The following CHP1 variants were observed in gnomAD, a reference collection of about 807,000 sequenced individuals.
CHP1 encodes the protein calcineurin like EF-hand protein 1.
Under a neutral mutation model 27.4 loss-of-function variants are expected in CHP1, and 11 were observed. The ratio of observed to expected loss-of-function variants is 0.40; its 90% CI spans 0.25 to 0.67. The LOEUF is 0.67. Among genes scored for constraint, CHP1 ranks in the 30% least tolerant of loss-of-function variants. The pLI, the probability that CHP1 is intolerant of heterozygous loss-of-function variation, is 0.38. For missense variants in CHP1, 169 were observed against 251.3 expected (o/e 0.67, Z 2.22); for synonymous variants, 89 against 87.4 (o/e 1.02, Z -0.10).
chr15:41,248,427 T>C (rs1006584516), intron 2 of CHP1, among the ~76,000 whole-genome samples: 1 of 152,176 alleles, frequency 6.6e-6, no homozygotes, highest in African/African-American at 2.4e-5. Flanking sequence ...CCTGTTATTT[T>C]TATTTTATTT....
intron 3 of CHP1, among the ~76,000 whole-genome samples, chr15:41,261,048 CTGAT>C (rs1031386088): frequency 6.6e-6 from 1 of 152,034 alleles, no homozygotes; most frequent in Non-Finnish European, 1.5e-5. Flanking sequence ...CCATGCCTGG[CTGAT>C]TGATTGATTG....
At chr15:41,240,490 A>G (rs2140923540) in intron 1 of CHP1, among the ~76,000 whole-genome samples, 1 of 152,302 alleles carries the variant, frequency 6.6e-6, no homozygotes, top group East Asian at 1.9e-4. Context: ...GCGGTGGCTC[A>G]TGCCTGTAAT....
chr15:41,253,478 C>T lies in CHP1; in HGVS notation c.141-3432C>T, dbSNP rs190595335. Among the ~76,000 whole-genome samples the T allele has an allele frequency of 5.2e-3, 750 of 144,458 alleles. 10 individuals carry two copies. The highest frequency in any genetic ancestry group is 0.019 in the African/African-American group (722 of 38,538). 94.8% of individuals were successfully genotyped at this position (144,458 alleles called of 152,430 possible). ...ATTTATTTATTTATTTATTTTGAGA[C>T]GGAGTCTTGCTCTGTCACCAGGCTG... On this transcript the variant is annotated intron_variant, in intron 2 of 6. Coordinates refer to ENST00000334660, the MANE Select transcript of CHP1 (RefSeq NM_007236.5).
chr15:41,277,370 A>G lies in CHP1; in HGVS notation c.412-1397A>G, dbSNP rs1461226138. ...TATCTAAACATATCTGTGGCTGGGC[A>G]TGGTGGCTCACGCCTATAATCTCGG... On this transcript the variant is annotated intron_variant, in intron 5 of 6. Transcript: ENST00000334660. Among the ~76,000 whole-genome samples, 3 of 152,202 alleles carry G rather than the reference A, an allele frequency of 2.0e-5. No homozygotes were observed. In the East Asian group the frequency reaches 5.8e-4, roughly 29 times the overall value.
chr15:41,256,935 G>A lies in CHP1; in HGVS notation c.166G>A (p.Glu56Lys). The A allele has an allele frequency of 6.2e-7, 1 of 1,614,110 alleles. No individual in the cohort carries two copies. The highest frequency in any genetic ancestry group is 8.5e-7 in the Non-Finnish European group (1 of 1,179,996). Residue 56 changes from glutamate to lysine, a missense_variant, in exon 3 of 7, where the codon GAA (glutamate) becomes AAA (lysine). Transcript: ENST00000334660. ...CCGGGAAGATTTCCAGAGGATTCCA[G>A]AACTTGCCATCAACCCACTGGGGGA... The part of the protein sequence containing the change: ...LSREDFQRIP[E>K]LAINPLGDRI...
In CHP1 at chr15:41,281,810, T is replaced by C. The variant is rs543455199; in HGVS notation, c.*2421T>C. On this transcript the variant is annotated 3_prime_UTR_variant, in exon 7 of 7. Coordinates refer to ENST00000334660, the MANE Select transcript of CHP1 (RefSeq NM_007236.5). Reference sequence around the variant, plus strand: ...CTTTTGGCTGTATAGCAAAGTGTTTTAATCCACGGTTGTGCCTTATTGTTC... The same window carrying C: ...CTTTTGGCTGTATAGCAAAGTGTTTCAATCCACGGTTGTGCCTTATTGTTC... 29 of 152,672 alleles carry C rather than the reference T, an allele frequency of 1.9e-4. No homozygotes were observed. Among genetic ancestry groups the C allele is most frequent in the Non-Finnish European group, 1.5e-4 (10 of 68,046 alleles). The allele number at this position is 152,672 out of a possible 1,614,324, so 9.5% of individuals were successfully genotyped here.
intron 1 of CHP1, among the ~76,000 whole-genome samples, chr15:41,240,976 C>T (rs1043836198): frequency 3.6e-4 from 54 of 151,790 alleles, no homozygotes; most frequent in African/African-American, 1.3e-3. Flanking sequence ...CCTCAGCTTC[C>T]CAAGTAGCTG....
chr15:41,278,574 T>C (rs1476344119), intron 5 of CHP1, among the ~76,000 whole-genome samples, 193 bp from the exon 6 acceptor site: 1 of 152,144 alleles, frequency 6.6e-6, no homozygotes, highest in Non-Finnish European at 1.5e-5. Flanking sequence ...CTCATCAAAA[T>C]ACAGTATTAT....
intron 3 of CHP1, among the ~76,000 whole-genome samples, chr15:41,261,063 AT>A (rs1414926110): frequency 6.6e-6 from 1 of 151,730 alleles, no homozygotes; most frequent in Non-Finnish European, 1.5e-5. Context: ...TGATTGATTG[AT>A]TAATTGATTG....
In CHP1 at chr15:41,278,822, C is replaced by T; in HGVS notation, c.467C>T (p.Ala156Val). 1 of 1,614,132 alleles carries T rather than the reference C, an allele frequency of 6.2e-7. No individual in the cohort carries two copies. Among genetic ancestry groups the T allele is most frequent in the African/African-American group, 1.3e-5 (1 of 75,014 alleles). The change falls in exon 6 of 7, where the codon GCA becomes GTA. Residue 156 changes from alanine (A) to valine (V), a missense_variant. Physicochemically the swap from Ala to Val is moderately conservative, Grantham distance 64. Coordinates refer to ENST00000334660, the MANE Select transcript of CHP1 (RefSeq NM_007236.5). ...NISDEQLGSI[A>V]DRTIQEADQD... ...TCAGATGAGCAGCTGGGCAGCATCGCAGACAGGACCATTCAGGAGGCTGAT... is the reference window on the plus strand; with the variant it reads ...TCAGATGAGCAGCTGGGCAGCATCGTAGACAGGACCATTCAGGAGGCTGAT...
chr15:41,272,913 C>T (rs929952733), intron 5 of CHP1, among the ~76,000 whole-genome samples: 12 of 151,784 alleles, frequency 7.9e-5, no homozygotes, highest in South Asian at 2.1e-4. Context: ...AAAAATTAGC[C>T]GGGCATGGTG....
intron 2 of CHP1, among the ~76,000 whole-genome samples, chr15:41,256,109 A>C (rs561461399): frequency 6.6e-6 from 1 of 152,314 alleles, no homozygotes; most frequent in Non-Finnish European, 1.5e-5. Context: ...CAGTTCTGCT[A>C]CTTAGGAGTA....
intron 2 of CHP1, among the ~76,000 whole-genome samples, chr15:41,248,454 C>T (rs1567005820): frequency 6.6e-6 from 1 of 152,018 alleles, no homozygotes; most frequent in South Asian, 2.1e-4. Context: ...TTTGTGGAGA[C>T]ACAGTCTCAC....
intron 1 of CHP1, among the ~76,000 whole-genome samples, chr15:41,236,830 A>AT (rs1362263661): frequency 8.1e-6 from 1 of 122,892 alleles, no homozygotes; most frequent in African/African-American, 3.8e-5. Flanking sequence ...TCTTAATACT[A>AT]TCTTTTTTTT....
chr15:41,231,534 G>A, intron 1 of CHP1, 85 bp downstream of exon 1: 2 of 1,353,186 alleles, frequency 1.5e-6, no homozygotes, highest in South Asian at 1.2e-5. Flanking sequence ...TCTGGAGCTC[G>A]GGTGCCTGTG....
chr15:41,274,252 C>T (rs915288767), intron 5 of CHP1, among the ~76,000 whole-genome samples: 1 of 152,110 alleles, frequency 6.6e-6, no homozygotes, highest in Non-Finnish European at 1.5e-5. Flanking sequence ...AGCCACCGCA[C>T]CTGGCCTAAT....
Position 41,233,648 on chromosome 15 carries a change from T to C in CHP1, c.67+2199T>C, listed in dbSNP as rs533179507. On this transcript the variant is annotated intron_variant, in intron 1 of 6. Coordinates refer to ENST00000334660, the MANE Select transcript of CHP1 (RefSeq NM_007236.5). ...ATGGTGACAAAAAACGCCCCCAACC[T>C]GGTTGGGGAGATAAGCCCAAGAGAG... Among the ~76,000 whole-genome samples the C allele has an allele frequency of 7.9e-5, 12 of 152,224 alleles. No individual in the cohort carries two copies. In the East Asian group the frequency reaches 2.1e-3, roughly 27 times the overall value.
chr15:41,249,636 C>G (rs548633538), intron 2 of CHP1, among the ~76,000 whole-genome samples: 39 of 151,898 alleles, frequency 2.6e-4, no homozygotes, highest in African/African-American at 9.2e-4. Context: ...CCACACCCAG[C>G]TAATTTTTTG....
intron 3 of CHP1, 92 bp from the exon 4 acceptor site, chr15:41,262,664 A>G: frequency 6.7e-7 from 1 of 1,498,058 alleles, no homozygotes; most frequent in Non-Finnish European, 9.2e-7. Flanking sequence ...CTTTCAGGCT[A>G]CCGTAGCTAA....
Sources: allele counts gnomAD v4.1 joint callset (sites outside exome capture counted in the v4.1 genomes callset), GRCh38; gene constraint gnomAD v4.1.1; transcripts MANE v1.5; gene names NCBI Gene and HGNC (gene_info 2026-07-23, HGNC 2026-07-21).